The following SPOPL variants were observed in gnomAD, a reference collection of about 807,000 sequenced individuals.
The protein encoded by SPOPL is speckle type BTB/POZ protein like, also known as speckle-type POZ protein-like.
SPOPL carries 23 observed loss-of-function variants against 53.8 expected under a neutral mutation model. That is an observed-to-expected ratio of 0.43 (90% CI 0.31 to 0.61). The LOEUF is 0.61. Among genes scored for constraint, SPOPL ranks in the 20% least tolerant of loss-of-function variants. The probability of loss-of-function intolerance (pLI) is 0.12; values close to 1 mark genes in which losing one functional copy is unlikely to be tolerated. For missense variants in SPOPL, 442 were observed against 466.9 expected (o/e 0.95, Z 0.49); for synonymous variants, 164 against 149.7 (o/e 1.10, Z -0.70).
intron 1 of SPOPL, among the ~76,000 whole-genome samples, chr2:138,515,297 A>C (rs933766284): frequency 2.0e-5 from 3 of 152,190 alleles, no homozygotes; most frequent in Non-Finnish European, 4.4e-5. Flanking sequence ...CTCTAATTAC[A>C]CAATGCTGGA....
intron 1 of SPOPL, among the ~76,000 whole-genome samples, chr2:138,521,526 A>T (rs1358021238): frequency 1.3e-5 from 2 of 152,150 alleles, no homozygotes; most frequent in African/African-American, 4.8e-5. Context: ...TTGTGTACAC[A>T]GGGGTTCACT....
chr2:138,544,642 T>C (rs1469274035), intron 1 of SPOPL, among the ~76,000 whole-genome samples: 1 of 152,176 alleles, frequency 6.6e-6, no homozygotes, highest in Non-Finnish European at 1.5e-5. Context: ...CACCCCTTTC[T>C]TTGACTAGGA....
chr2:138,506,709 C>T (rs1341283867), intron 1 of SPOPL, among the ~76,000 whole-genome samples: 1 of 152,050 alleles, frequency 6.6e-6, no homozygotes, highest in East Asian at 1.9e-4. Context: ...ACTTACTAAA[C>T]TTGAGACTGA....
chr2:138,569,286 C>A lies in SPOPL; in HGVS notation c.*206C>A. Reference sequence around the variant, plus strand: ...TTAGACTGATTAATTCACTTCAAGGCCTTAAATTATCTTCAATGACTTGTC... The same window carrying A: ...TTAGACTGATTAATTCACTTCAAGGACTTAAATTATCTTCAATGACTTGTC... On this transcript the variant is annotated 3_prime_UTR_variant, in exon 11 of 11. Transcript: ENST00000280098. The A allele has an allele frequency of 2.0e-6, 1 of 509,514 alleles. No homozygotes were observed. Among genetic ancestry groups the A allele is most frequent in the Non-Finnish European group, 3.4e-6 (1 of 292,094 alleles). 31.6% of individuals were successfully genotyped at this position (509,514 alleles called of 1,614,324 possible).
At chr2:138,535,368 G>A (rs1413883674) in intron 1 of SPOPL, among the ~76,000 whole-genome samples, 2 of 152,164 alleles carry the variant, frequency 1.3e-5, no homozygotes, top group Non-Finnish European at 2.9e-5. Context: ...ATACCTAGGA[G>A]TAGAATAGCT....
At chr2:138,559,605 G>A (rs1158575854) in intron 7 of SPOPL, among the ~76,000 whole-genome samples, 1 of 152,132 alleles carries the variant, frequency 6.6e-6, no homozygotes, top group Non-Finnish European at 1.5e-5. Context: ...GTTATCCAAA[G>A]GACTATTCTG....
At chr2:138,515,745 A>G (rs1490246119) in intron 1 of SPOPL, among the ~76,000 whole-genome samples, 2 of 152,164 alleles carry the variant, frequency 1.3e-5, no homozygotes, top group Non-Finnish European at 2.9e-5. Context: ...TTCTTTTAAG[A>G]TATGCACATC....
intron 1 of SPOPL, among the ~76,000 whole-genome samples, chr2:138,520,753 T>A (rs184394563): frequency 2.0e-3 from 311 of 152,344 alleles, no homozygotes; most frequent in Admixed American, 3.5e-3. Flanking sequence ...CTTTCCGTTG[T>A]GAGTAGTCAC....
At chr2:138,517,943 A>G (rs9917309) in intron 1 of SPOPL, among the ~76,000 whole-genome samples, 136,543 of 151,036 alleles carry the variant, frequency 0.9, 61,861 homozygotes, top group East Asian at 1. Context: ...AGCAACTTGC[A>G]GGGCTGAGGC....
chr2:138,531,794 T>C (rs1287746284), intron 1 of SPOPL, among the ~76,000 whole-genome samples: 2 of 107,064 alleles, frequency 1.9e-5, no homozygotes, highest in Non-Finnish European at 5.4e-5. Flanking sequence ...GTTGGGTTTT[T>C]TTTTCCTCCT....
chr2:138,519,823 G>A (rs984848934), intron 1 of SPOPL, among the ~76,000 whole-genome samples: 15 of 152,098 alleles, frequency 9.9e-5, no homozygotes, highest in African/African-American at 3.6e-4. Context: ...TTTTAAAAAA[G>A]TAAAGTTTTA....
At position 138,569,188 on chromosome 2, in the gene SPOPL, C is replaced by A; in HGVS notation, c.*108C>A. 1 of 1,277,760 alleles carries A rather than the reference C, an allele frequency of 7.8e-7. No individual in the cohort carries two copies. Among genetic ancestry groups the A allele is most frequent in the East Asian group, 2.4e-5 (1 of 42,426 alleles). The allele number at this position is 1,277,760 out of a possible 1,614,324, so 79.2% of individuals were successfully genotyped here. ...AGAGTTGTTTCTGTTATTTTGTCCACAGAACAGAAGCTGAAAAAGCATATT... is the reference window on the plus strand; with the variant it reads ...AGAGTTGTTTCTGTTATTTTGTCCAAAGAACAGAAGCTGAAAAAGCATATT... On this transcript the variant is annotated 3_prime_UTR_variant, in exon 11 of 11. Coordinates refer to ENST00000280098, the MANE Select transcript of SPOPL (RefSeq NM_001001664.3).
intron 1 of SPOPL, among the ~76,000 whole-genome samples, chr2:138,540,295 A>G (rs994017693): frequency 3.9e-5 from 6 of 152,174 alleles, no homozygotes; most frequent in African/African-American, 7.2e-5. Context: ...AGTCATTGGT[A>G]GCTTGATGGG....
chr2:138,517,448 A>G (rs948782493), intron 1 of SPOPL, among the ~76,000 whole-genome samples: 3 of 152,168 alleles, frequency 2.0e-5, no homozygotes, highest in Admixed American at 1.3e-4. Flanking sequence ...AATTTTAAGT[A>G]AAATATTTCT....
At chr2:138,548,522 C>T (rs1387413175) in intron 1 of SPOPL, among the ~76,000 whole-genome samples, 10 of 151,902 alleles carry the variant, frequency 6.6e-5, no homozygotes, top group Non-Finnish European at 1.3e-4. Flanking sequence ...GAGTGCCTCT[C>T]CTCTTACACT....
intron 1 of SPOPL, among the ~76,000 whole-genome samples, chr2:138,529,533 T>C (rs568171088): frequency 0.039 from 3,446 of 89,300 alleles, 65 homozygotes; most frequent in African/African-American, 0.057. Flanking sequence ...TGTGTGTGTG[T>C]GTTTGCGTGC....
rs141697462 is a variant in SPOPL, at chr2:138,566,201, C to G, written c.1034+1208C>G. Among the ~76,000 whole-genome samples the G allele has an allele frequency of 4.1e-3, 621 of 152,126 alleles. 2 individuals are homozygous for G. The highest frequency in any genetic ancestry group is 0.014 in the African/African-American group (576 of 41,484). ...TGACTACTTTAAAATTATTGGTTGT[C>G]TTGTATAATACGTTGGTCAGTGTAT... On this transcript the variant is annotated intron_variant, in intron 10 of 10. Transcript: ENST00000280098.
chr2:138,507,996 A>G (rs1284701736), intron 1 of SPOPL, among the ~76,000 whole-genome samples: 1 of 152,190 alleles, frequency 6.6e-6, no homozygotes, highest in Non-Finnish European at 1.5e-5. Flanking sequence ...TCTCAATTTT[A>G]GGGAGTTTAA....
At chr2:138,517,476 C>A (rs1684463260) in intron 1 of SPOPL, among the ~76,000 whole-genome samples, 1 of 152,152 alleles carries the variant, frequency 6.6e-6, no homozygotes, top group Non-Finnish European at 1.5e-5. Context: ...TGCGGTGACT[C>A]ACGCCTGTAA....
Sources: allele counts gnomAD v4.1 joint callset (sites outside exome capture counted in the v4.1 genomes callset), GRCh38; gene constraint gnomAD v4.1.1; transcripts MANE v1.5; gene names NCBI Gene and HGNC (gene_info 2026-07-23, HGNC 2026-07-21).